Variants in FGF13 observed in about 807,000 individuals in gnomAD.
The protein encoded by FGF13 is fibroblast growth factor homologous factor 2.
FGF13 carries 2 observed loss-of-function variants against 19.5 expected under a neutral mutation model. The ratio of observed to expected loss-of-function variants is 0.10; its 90% CI spans 0.04 to 0.32. The LOEUF is 0.32. FGF13 is among the 10% of genes least tolerant of loss of function. The pLI is 1.00. For synonymous variants in FGF13, 72 were observed against 76.9 expected, an observed-to-expected ratio of 0.94 and a Z score of 0.33; for missense variants, 113 against 192.7, an observed-to-expected ratio of 0.59 and a Z score of 2.45.
Position 139,180,838 on chromosome X carries a change from C to A in FGF13, c.-113+22578G>T, listed in dbSNP as rs937378133. Reference sequence around the variant, plus strand: ...CAAATACATCCAGAAAATAAAAGAACCCTACATCTGTGTTGCTCTCAGGTG... The same window carrying A: ...CAAATACATCCAGAAAATAAAAGAAACCTACATCTGTGTTGCTCTCAGGTG... On this transcript the variant is annotated intron_variant, in intron 1 of 2. Coordinates refer to the FGF13 transcript ENST00000421460. 3.6e-5 allele frequency among the ~76,000 whole-genome samples: 4 copies of A among 111,835 alleles called. No individual in the cohort carries two copies. The East Asian group carries it at 1.1e-3, about 32-fold the overall frequency.
At chrX:138,909,928 C>T (rs754910391) in intron 1 of FGF13, among the ~76,000 whole-genome samples, 1 of 110,509 alleles carries the variant, frequency 9.0e-6, no homozygotes, top group African/African-American at 3.3e-5. Flanking sequence ...CTGGGAAACA[C>T]AGGAGCAAAA....
intron 3 of FGF13, among the ~76,000 whole-genome samples, chrX:138,759,074 A>G (rs2090449543): frequency 8.9e-6 from 1 of 112,255 alleles, no homozygotes; most frequent in African/African-American, 3.2e-5. Flanking sequence ...TTTACTGCAC[A>G]TAGTCCACAT....
intron 1 of FGF13, among the ~76,000 whole-genome samples, chrX:139,049,227 AG>A (rs1250533618): frequency 9.0e-6 from 1 of 110,948 alleles, no homozygotes; most frequent in African/African-American, 3.3e-5. Context: ...GGGTAGTGGC[AG>A]GGGGAGGTAG....
chrX:138,729,057 G>A (rs1197853988), intron 1 of FGF13, among the ~76,000 whole-genome samples: 2 of 111,517 alleles, frequency 1.8e-5, no homozygotes, highest in Non-Finnish European at 3.8e-5. Flanking sequence ...TTTGGACATT[G>A]ACATAATTTA....
At chrX:138,682,273 CTATAAG>C (rs747955710) in intron 3 of FGF13, among the ~76,000 whole-genome samples, 2 of 112,230 alleles carry the variant, frequency 1.8e-5, no homozygotes, top group South Asian at 3.6e-4. Context: ...CCATAGCTGT[CTATAAG>C]TATATTTTGA....
At chrX:139,055,158 G>A (rs1235696738) in intron 1 of FGF13, among the ~76,000 whole-genome samples, 2 of 111,026 alleles carry the variant, frequency 1.8e-5, no homozygotes, top group African/African-American at 6.6e-5. Context: ...TTACTAATTT[G>A]GATGCCCTTT....
intron 1 of FGF13, among the ~76,000 whole-genome samples, chrX:138,896,412 C>G (rs1353729708): frequency 1.8e-5 from 2 of 111,454 alleles, no homozygotes; most frequent in Non-Finnish European, 3.8e-5. Flanking sequence ...ATCATTTTCA[C>G]CTATACTTTT....
chrX:138,726,784 G>A (rs1021482748), intron 1 of FGF13, among the ~76,000 whole-genome samples: 6 of 111,680 alleles, frequency 5.4e-5, no homozygotes, highest in African/African-American at 2.0e-4. Context: ...TCTTACACAT[G>A]TATTAATTAA....
intron 1 of FGF13, among the ~76,000 whole-genome samples, chrX:138,986,023 T>G (rs1411582535): frequency 1.8e-5 from 2 of 111,969 alleles, no homozygotes. Flanking sequence ...CGGTTTTACA[T>G]GCATTACTTC....
At chrX:138,945,823 A>G (rs2091779196) in intron 1 of FGF13, among the ~76,000 whole-genome samples, 1 of 111,717 alleles carries the variant, frequency 9.0e-6, no homozygotes, top group Non-Finnish European at 1.9e-5. Context: ...TTTCCAATCA[A>G]CTGTAGAAAA....
intron 1 of FGF13, among the ~76,000 whole-genome samples, chrX:138,878,721 C>T (rs971958721): frequency 3.6e-5 from 4 of 110,749 alleles, no homozygotes; most frequent in Non-Finnish European, 7.5e-5. Context: ...CCTGAGGAAT[C>T]GCCACGCTGA....
chrX:138,829,276 G>C (rs768101857), intron 3 of FGF13, among the ~76,000 whole-genome samples: 4 of 111,695 alleles, frequency 3.6e-5, no homozygotes, highest in Non-Finnish European at 7.5e-5. Flanking sequence ...ATGGGGCCTA[G>C]TAGAAGGTAT....
intron 3 of FGF13, among the ~76,000 whole-genome samples, chrX:138,831,724 A>C (rs935653773): frequency 1.9e-5 from 2 of 107,675 alleles, no homozygotes; most frequent in Non-Finnish European, 3.8e-5. Context: ...TAGGTTTTTT[A>C]CGTAGGTAAA....
At chrX:139,082,326 A>G in intron 1 of FGF13, among the ~76,000 whole-genome samples, 1 of 111,442 alleles carries the variant, frequency 9.0e-6, no homozygotes, top group Non-Finnish European at 1.9e-5. Flanking sequence ...GACCAACCAT[A>G]ATTATCCCTT....
chrX:138,659,554 C>A, intron 3 of FGF13, among the ~76,000 whole-genome samples: 1 of 111,660 alleles, frequency 9.0e-6, no homozygotes, highest in Non-Finnish European at 1.9e-5. Context: ...AATCCCATTA[C>A]TGGGTATATA....
At chrX:139,028,846 A>G (rs147392183) in intron 1 of FGF13, among the ~76,000 whole-genome samples, 17 of 109,945 alleles carry the variant, frequency 1.5e-4, no homozygotes, top group African/African-American at 5.3e-4. Context: ...TTTAAGTAAA[A>G]TAAGATGCCC....
intron 1 of FGF13, among the ~76,000 whole-genome samples, chrX:138,890,808 T>C (rs1011698706): frequency 2.7e-5 from 3 of 111,787 alleles, no homozygotes; most frequent in Non-Finnish European, 5.6e-5. Flanking sequence ...AACTCACAAA[T>C]ACTGAGCATA....
chrX:138,905,369 A>C (rs1164244629), intron 1 of FGF13, among the ~76,000 whole-genome samples: 1 of 112,152 alleles, frequency 8.9e-6, no homozygotes, highest in Non-Finnish European at 1.9e-5. Context: ...AGATAATGTG[A>C]CTACTCTGAC....
At chrX:138,903,265 A>T (rs1321803768) in intron 1 of FGF13, among the ~76,000 whole-genome samples, 2 of 111,893 alleles carry the variant, frequency 1.8e-5, no homozygotes, top group Non-Finnish European at 3.8e-5. Context: ...ATACTCTATC[A>T]GCTGAAAGCA....
Sources: allele counts gnomAD v4.1 joint callset (sites outside exome capture counted in the v4.1 genomes callset), GRCh38; gene constraint gnomAD v4.1.1; transcripts MANE v1.5; gene names NCBI Gene and HGNC (gene_info 2026-07-23, HGNC 2026-07-21).